The following CEP112 variants were observed in gnomAD, a reference collection of about 807,000 sequenced individuals.
CEP112 encodes centrosomal protein of 112 kDa.
A neutral mutation model predicts 153.0 loss-of-function variants in CEP112; 127 were observed. That is an observed-to-expected ratio of 0.83 (90% CI 0.72 to 0.96). CEP112 has a LOEUF of 0.96. Among genes scored for constraint, CEP112 ranks in the 40% least tolerant of loss-of-function variants. CEP112 has a pLI of 0.00. For synonymous variants in CEP112, 358 were observed against 374.4 expected (o/e 0.96, Z 0.51); for missense variants, 1,089 against 1,101.2 (o/e 0.99, Z 0.16).
chr17:65,644,500 G>T, intron 24 of CEP112: 2 of 336,998 alleles, frequency 5.9e-6, no homozygotes, highest in South Asian at 6.7e-5. Context: ...AGCTCATACA[G>T]GTTAATTTGG....
intron 12 of CEP112, among the ~76,000 whole-genome samples, chr17:66,052,614 T>C (rs1255270782): frequency 2.0e-5 from 3 of 152,154 alleles, no homozygotes; most frequent in Non-Finnish European, 4.4e-5. Context: ...CCTTCCTGAA[T>C]TACTTCAGTA....
chr17:66,058,865 A>C (rs1264661628), intron 11 of CEP112, among the ~76,000 whole-genome samples: 1 of 152,038 alleles, frequency 6.6e-6, no homozygotes, highest in African/African-American at 2.4e-5. Context: ...ACCAAAATAA[A>C]ACAAAAGAAC....
intron 23 of CEP112, among the ~76,000 whole-genome samples, chr17:65,737,991 T>C (rs946034187): frequency 1.4e-4 from 22 of 152,286 alleles, no homozygotes; most frequent in South Asian, 6.2e-4. Flanking sequence ...CAACCTTAAA[T>C]GCTCGATGAG....
chr17:65,930,886 A>C (rs74007961), intron 18 of CEP112, among the ~76,000 whole-genome samples: 2,034 of 152,138 alleles, frequency 0.013, 41 homozygotes, highest in African/African-American at 0.046. Flanking sequence ...AGTCTTTTCA[A>C]AGTTGACTCA....
In CEP112 at chr17:65,635,635, T is replaced by G. The variant is rs925569969; in HGVS notation, c.*336A>C. ...TGATATGATACTACAAACGTGATTT[T>G]GATCGTACGCAACTGGTAAAATTCT... is the stretch of plus-strand genomic sequence containing the variant. On this transcript the variant is annotated 3_prime_UTR_variant, in exon 27 of 27. Coordinates refer to ENST00000535342, the MANE Select transcript of CEP112 (RefSeq NM_001199165.4). 9 of 341,912 alleles carry G rather than the reference T, an allele frequency of 2.6e-5. No individual in the cohort carries two copies. The highest frequency in any genetic ancestry group is 4.7e-5 in the Admixed American group (1 of 21,306). The allele number at this position is 341,912 out of a possible 1,614,324, so 21.2% of individuals were successfully genotyped here. A position where few individuals can be genotyped will look rare whatever the true frequency, so the allele number is the denominator to read the frequency against.
intron 6 of CEP112, among the ~76,000 whole-genome samples, chr17:66,096,970 T>C (rs1176942319): frequency 1.3e-5 from 2 of 152,188 alleles, no homozygotes; most frequent in Non-Finnish European, 2.9e-5. Context: ...CTCATGCCTG[T>C]CCACCTCTGA....
At chr17:65,871,606 G>T (rs1178572799) in intron 20 of CEP112, among the ~76,000 whole-genome samples, 1 of 152,180 alleles carries the variant, frequency 6.6e-6, no homozygotes, top group Non-Finnish European at 1.5e-5. Context: ...CTGCACTCCA[G>T]CCTGGGTGAC....
At chr17:65,640,145 T>C (rs2045035948) in intron 25 of CEP112, among the ~76,000 whole-genome samples, 1 of 101,854 alleles carries the variant, frequency 9.8e-6, no homozygotes, top group Non-Finnish European at 1.8e-5. Context: ...ACCATATATA[T>C]ATATATATAT....
At chr17:65,976,109 A>ACAGT (rs2063024931) in intron 17 of CEP112, among the ~76,000 whole-genome samples, 1 of 152,224 alleles carries the variant, frequency 6.6e-6, no homozygotes, top group South Asian at 2.1e-4. Flanking sequence ...AAGTGTGAAC[A>ACAGT]CAGTGTTCAG....
intron 4 of CEP112, among the ~76,000 whole-genome samples, chr17:66,156,210 C>T (rs1318262949): frequency 6.6e-6 from 1 of 152,214 alleles, no homozygotes; most frequent in African/African-American, 2.4e-5. Flanking sequence ...CTTTGCTGTT[C>T]TGCAGCCTCC....
At chr17:65,754,760 T>C (rs1177443474) in intron 21 of CEP112, among the ~76,000 whole-genome samples, 1 of 152,148 alleles carries the variant, frequency 6.6e-6, no homozygotes, top group Admixed American at 6.5e-5. Flanking sequence ...TTGAACGTGA[T>C]TGTAAGGAAT....
At chr17:65,742,092 T>C (rs1264262404) in intron 23 of CEP112, among the ~76,000 whole-genome samples, 1 of 151,844 alleles carries the variant, frequency 6.6e-6, no homozygotes, top group African/African-American at 2.4e-5. Flanking sequence ...TTTTATTCTA[T>C]CTAGTGTTGT....
intron 21 of CEP112, among the ~76,000 whole-genome samples, chr17:65,783,174 A>G (rs932563855): frequency 6.6e-6 from 1 of 152,202 alleles, no homozygotes; most frequent in Non-Finnish European, 1.5e-5. Context: ...AAAGCACCTG[A>G]AAGTTATTTA....
intron 17 of CEP112, among the ~76,000 whole-genome samples, chr17:65,970,392 A>G (rs2062657862): frequency 1.6e-4 from 2 of 12,608 alleles, no homozygotes; most frequent in African/African-American, 4.4e-4. Flanking sequence ...CATATATATT[A>G]CATGCATGCA....
chr17:65,723,628 A>G (rs148807428), intron 23 of CEP112, among the ~76,000 whole-genome samples: 227 of 152,334 alleles, frequency 1.5e-3, no homozygotes, highest in Non-Finnish European at 2.9e-3. Context: ...TGGGAAGAAA[A>G]GAAAAATAAT....
chr17:65,882,891 C>G (rs1908521631), intron 20 of CEP112, among the ~76,000 whole-genome samples: 1 of 152,154 alleles, frequency 6.6e-6, no homozygotes, highest in Non-Finnish European at 1.5e-5. Context: ...GAGCCTCCTT[C>G]CCTGTGACCC....
At chr17:65,742,002 T>TA (rs1228009202) in intron 23 of CEP112, among the ~76,000 whole-genome samples, 149 of 141,412 alleles carry the variant, frequency 1.1e-3, no homozygotes, top group Admixed American at 2.3e-3. Context: ...AAAATGTCAT[T>TA]AAAAAAAAAA....
chr17:65,941,303 A>G (rs2061498685), intron 18 of CEP112, among the ~76,000 whole-genome samples: 1 of 152,132 alleles, frequency 6.6e-6, no homozygotes, highest in South Asian at 2.1e-4. Context: ...AATTTTATGT[A>G]CTCAAAGTTG....
chr17:65,660,263 TTTC>T (rs2046288928), intron 24 of CEP112, among the ~76,000 whole-genome samples: 6 of 144,514 alleles, frequency 4.2e-5, no homozygotes, highest in Non-Finnish European at 7.5e-5. Flanking sequence ...TCTTTTTTCT[TTTC>T]TTTTTCTCCT....
Sources: gnomAD v4.1 joint callset for allele counts (sites outside exome capture counted in the v4.1 genomes callset) on GRCh38, gnomAD v4.1.1 for gene constraint, MANE v1.5 for transcripts, NCBI Gene and HGNC (gene_info 2026-07-23, HGNC 2026-07-21) for gene names.